ANKRD44: variants seen among roughly 807,000 people sequenced by gnomAD.
The protein encoded by ANKRD44 is ankyrin repeat domain 44, also known as serine/threonine-protein phosphatase 6 regulatory ankyrin repeat subunit B.
In ANKRD44, 35 loss-of-function variants were observed where a neutral mutation model predicts 116.0. The ratio of observed to expected loss-of-function variants is 0.30; its 90% CI spans 0.23 to 0.40. ANKRD44 has a LOEUF of 0.40. ANKRD44 is among the 10% of genes least tolerant of loss of function. ANKRD44 has a pLI of 1.00. For missense variants in ANKRD44, 1,014 were observed against 1,242.6 expected (o/e 0.82, Z 2.77); for synonymous variants, 435 against 461.8 (o/e 0.94, Z 0.74).
At chr2:197,160,758 T>A (rs1340242107) in intron 2 of ANKRD44, among the ~76,000 whole-genome samples, 4 of 152,162 alleles carry the variant, frequency 2.6e-5, no homozygotes, top group East Asian at 1.9e-4. Context: ...CAGAGTCAGA[T>A]CTGGTTAAAA....
chr2:197,187,409 T>C (rs1179873344), intron 1 of ANKRD44, among the ~76,000 whole-genome samples: 2 of 152,204 alleles, frequency 1.3e-5, no homozygotes, highest in Non-Finnish European at 2.9e-5. Context: ...CTTAAATCCC[T>C]GACAAGGAAA....
intron 2 of ANKRD44, among the ~76,000 whole-genome samples, chr2:197,170,469 G>A (rs1020722196): frequency 6.6e-6 from 1 of 152,188 alleles, no homozygotes; most frequent in Non-Finnish European, 1.5e-5. Context: ...CTGTCATAAT[G>A]TAGTCTTCCC....
At chr2:197,129,678 T>G (rs1209322721) in intron 4 of ANKRD44, among the ~76,000 whole-genome samples, 2 of 152,208 alleles carry the variant, frequency 1.3e-5, no homozygotes, top group African/African-American at 4.8e-5. Context: ...ACAACTCTTT[T>G]TATTTAACAA....
intron 16 of ANKRD44, among the ~76,000 whole-genome samples, chr2:197,055,641 C>A (rs1246618173): frequency 1.3e-5 from 2 of 152,130 alleles, no homozygotes; most frequent in Non-Finnish European, 2.9e-5. Flanking sequence ...TATTCATTTT[C>A]CTCCATATAC....
Position 196,987,961 on chromosome 2 carries a change from G to C in ANKRD44, c.*1630C>G, listed in dbSNP as rs1318570195. ...AAAAAAATTTTGCCTTGGGGTATGGGAGAAAGAGAAAGAGAGGAAGAGAGA... is the reference window on the plus strand; with the variant it reads ...AAAAAAATTTTGCCTTGGGGTATGGCAGAAAGAGAAAGAGAGGAAGAGAGA... On this transcript the variant is annotated 3_prime_UTR_variant, in exon 28 of 28. Transcript: ENST00000282272. 1.2e-4 allele frequency: 117 copies of C among 985,298 alleles called. No homozygotes were observed. Among genetic ancestry groups the C allele is most frequent in the Non-Finnish European group, 1.4e-4 (117 of 829,872 alleles). The allele number at this position is 985,298 out of a possible 1,614,324, so 61.0% of individuals were successfully genotyped here. A position where few individuals can be genotyped will look rare whatever the true frequency, so the allele number is the denominator to read the frequency against.
chr2:197,172,140 A>G (rs1466056451), intron 2 of ANKRD44, among the ~76,000 whole-genome samples: 1 of 151,702 alleles, frequency 6.6e-6, no homozygotes, highest in Non-Finnish European at 1.5e-5. Flanking sequence ...AGCTGGGATT[A>G]CAGGTGCCCA....
chr2:197,030,351 G>A (rs1299519375), intron 16 of ANKRD44, among the ~76,000 whole-genome samples: 2 of 152,206 alleles, frequency 1.3e-5, no homozygotes, highest in Non-Finnish European at 2.9e-5. Context: ...TTCCAATGGT[G>A]AGCACAGTCA....
downstream of ANKRD44, among the ~76,000 whole-genome samples, chr2:196,982,716 C>G (rs1249065152): frequency 6.6e-6 from 1 of 152,176 alleles, no homozygotes; most frequent in Non-Finnish European, 1.5e-5. Flanking sequence ...TAGGCTATTG[C>G]AGTGGCTACC....
At chr2:197,218,264 C>T (rs10167006) in intron 1 of ANKRD44, among the ~76,000 whole-genome samples, 1,850 of 152,240 alleles carry the variant, frequency 0.012, 32 homozygotes, top group African/African-American at 0.041. Context: ...CATTTTTCCC[C>T]TTCCAAATTC....
downstream of ANKRD44, among the ~76,000 whole-genome samples, chr2:196,982,855 G>T (rs148478449): frequency 6.6e-3 from 1,002 of 152,270 alleles, 11 homozygotes; most frequent in African/African-American, 0.022. Flanking sequence ...CCATAAAAAA[G>T]AATGAGTTCA....
intron 1 of ANKRD44, among the ~76,000 whole-genome samples, chr2:197,282,580 GAGA>G (rs1393997417): frequency 2.0e-5 from 3 of 152,202 alleles, no homozygotes; most frequent in African/African-American, 7.2e-5. Flanking sequence ...AGGTGAAACA[GAGA>G]AGATGCTTGA....
At chr2:197,255,858 TAAGACGTTCACCAAATAAAG>T (rs2105694784) in intron 1 of ANKRD44, among the ~76,000 whole-genome samples, 1 of 152,376 alleles carries the variant, frequency 6.6e-6, no homozygotes, top group Admixed American at 6.5e-5. Context: ...GCGCTTCATG[TAAGACGTTCACCAAATAAAG>T]AAATGTTTAA....
At position 197,088,672 on chromosome 2, in the gene ANKRD44, T is replaced by A. The variant is rs532284707; in HGVS notation, c.1247+39A>T. ...TTAAGTCAAGTCAATAAAGATGAAT[T>A]AGTAACTCATAAATTAACTAGAATT... On this transcript the variant is annotated intron_variant, in intron 12 of 27. Coordinates refer to ENST00000282272, the MANE Select transcript of ANKRD44 (RefSeq NM_001195144.2). 3.5e-6 allele frequency: 5 copies of A among 1,425,870 alleles called. No homozygotes were observed. The East Asian group carries it at 1.2e-4, about 33-fold the overall frequency. The allele number at this position is 1,425,870 out of a possible 1,614,324, so 88.3% of individuals were successfully genotyped here. A position where few individuals can be genotyped will look rare whatever the true frequency, so the allele number is the denominator to read the frequency against.
At chr2:197,001,617 C>T in intron 22 of ANKRD44, 136 bp downstream of exon 22, 1 of 611,324 alleles carries the variant, frequency 1.6e-6, no homozygotes, top group South Asian at 2.4e-5. Flanking sequence ...ATCAGATCTA[C>T]TTGTCTTTAG....
intron 19 of ANKRD44, 94 bp downstream of exon 19, chr2:197,008,850 G>T: frequency 3.7e-6 from 4 of 1,093,478 alleles, no homozygotes; most frequent in South Asian, 1.3e-5. Context: ...CCAATTTCTC[G>T]GTTCCGCAGT....
chr2:197,269,611 A>C (rs540824840), intron 1 of ANKRD44, among the ~76,000 whole-genome samples: 1 of 152,232 alleles, frequency 6.6e-6, no homozygotes, highest in East Asian at 1.9e-4. Context: ...TAATCCAAGA[A>C]CTGCAGAGCT....
chr2:197,081,098 A>G (rs1174992916), intron 15 of ANKRD44, among the ~76,000 whole-genome samples: 1 of 152,178 alleles, frequency 6.6e-6, no homozygotes, highest in East Asian at 1.9e-4. Flanking sequence ...CTGCCACAGC[A>G]AAGAGCTACG....
chr2:197,007,665 T>C (rs752103109), intron 20 of ANKRD44, 141 bp downstream of exon 20: 2 of 626,628 alleles, frequency 3.2e-6, no homozygotes, highest in Non-Finnish European at 5.7e-6. Context: ...TAAGGTTAAT[T>C]GGTTGTATTA....
intron 21 of ANKRD44, among the ~76,000 whole-genome samples, chr2:196,981,078 A>G (rs1285891741): frequency 6.6e-6 from 1 of 152,108 alleles, no homozygotes; most frequent in Non-Finnish European, 1.5e-5. Flanking sequence ...CATCCTCAAA[A>G]CTATACCACC....
Sources: gnomAD v4.1 joint callset for allele counts (sites outside exome capture counted in the v4.1 genomes callset) on GRCh38, gnomAD v4.1.1 for gene constraint, MANE v1.5 for transcripts, NCBI Gene and HGNC (gene_info 2026-07-23, HGNC 2026-07-21) for gene names.